The following MAF variants were observed in gnomAD, a reference collection of about 807,000 sequenced individuals.
MAF encodes the protein MAF bZIP transcription factor.
In MAF, 10 loss-of-function variants were observed where a neutral mutation model predicts 22.0. The observed-to-expected ratio is 0.45, with a 90% CI of 0.28 to 0.77. MAF has a LOEUF of 0.77. Ranked by LOEUF, MAF falls within the 30% of genes least tolerant of loss-of-function variation. The pLI is 0.12. For missense variants in MAF, 544 were observed against 548.4 expected (o/e 0.99, Z 0.08); for synonymous variants, 337 against 255.8 (o/e 1.32, Z -3.03).
chr16:79,405,556 G>A, the MAF span, among the ~76,000 whole-genome samples: 4 of 152,190 alleles, frequency 2.6e-5, no homozygotes, highest in Admixed American at 2.0e-4. Context: ...GGAAAGCATG[G>A]TTTTGACCCA....
the MAF span, among the ~76,000 whole-genome samples, chr16:79,434,623 A>C: frequency 2.6e-5 from 4 of 151,658 alleles, no homozygotes; most frequent in African/African-American, 7.3e-5. Context: ...TTAAAGCACA[A>C]TATATATTTA....
the MAF span, among the ~76,000 whole-genome samples, chr16:79,481,346 C>T: frequency 2.6e-5 from 4 of 151,800 alleles, no homozygotes; most frequent in South Asian, 8.3e-4. Context: ...AGTTGTGCGA[C>T]CATCACCCTA....
the MAF span, chr16:79,229,474 G>A: frequency 6.6e-6 from 1 of 152,080 alleles, no homozygotes; most frequent in African/African-American, 2.4e-5. Context: ...TGCACATTTC[G>A]AGGGACCGCC....
the MAF span, among the ~76,000 whole-genome samples, chr16:79,261,115 G>A: frequency 1.3e-5 from 2 of 152,162 alleles, no homozygotes; most frequent in East Asian, 3.9e-4. Context: ...AAGCTGGCAG[G>A]ATGGCCCAGA....
chr16:79,432,681 C>T, the MAF span, among the ~76,000 whole-genome samples: 1 of 152,144 alleles, frequency 6.6e-6, no homozygotes, highest in Non-Finnish European at 1.5e-5. Context: ...TGAAGTCATA[C>T]TGGAGTAGGA....
chr16:79,419,358 T>G, the MAF span, among the ~76,000 whole-genome samples: 1 of 152,150 alleles, frequency 6.6e-6, no homozygotes, highest in Admixed American at 6.5e-5. Context: ...TACGTTTGAC[T>G]CAGCACAAAT....
chr16:79,447,838 T>C, the MAF span, among the ~76,000 whole-genome samples: 1 of 130,592 alleles, frequency 7.7e-6, no homozygotes, highest in East Asian at 2.3e-4. Flanking sequence ...AGGACGTTGT[T>C]GTTAGCTGAG....
chr16:79,214,828 A>G, the MAF span, among the ~76,000 whole-genome samples: 1 of 136,970 alleles, frequency 7.3e-6, no homozygotes, highest in South Asian at 2.4e-4. Context: ...CTCCTGCCCC[A>G]TCCTTCAGAG....
At chr16:79,374,772 T>A in the MAF span, among the ~76,000 whole-genome samples, 5,048 of 152,292 alleles carry the variant, frequency 0.033, 199 homozygotes, top group East Asian at 0.19. Flanking sequence ...TTTTCTCTCT[T>A]TCTTCATCTT....
At chr16:79,575,084 A>T in the MAF span, among the ~76,000 whole-genome samples, 2 of 150,356 alleles carry the variant, frequency 1.3e-5, no homozygotes, top group African/African-American at 4.9e-5. Context: ...TTCTTGATTC[A>T]TGTGGTCTGA....
chr16:79,455,284 A>G, the MAF span, among the ~76,000 whole-genome samples: 2,159 of 152,246 alleles, frequency 0.014, 51 homozygotes, highest in African/African-American at 0.049. Context: ...TAATGGCTCA[A>G]GAGGGTTTCT....
At chr16:79,534,131 T>C in the MAF span, among the ~76,000 whole-genome samples, 1 of 152,246 alleles carries the variant, frequency 6.6e-6, no homozygotes, top group Non-Finnish European at 1.5e-5. Flanking sequence ...ACATTGGCTA[T>C]TCAGAAGTAC....
chr16:79,474,842 G>A, the MAF span, among the ~76,000 whole-genome samples: 7 of 152,150 alleles, frequency 4.6e-5, no homozygotes, highest in African/African-American at 1.4e-4. Flanking sequence ...CATGTCTAGA[G>A]CCTGTTGCCA....
chr16:79,505,406 T>C, the MAF span, among the ~76,000 whole-genome samples: 1 of 152,218 alleles, frequency 6.6e-6, no homozygotes, highest in East Asian at 1.9e-4. Flanking sequence ...TGTCCCTCAG[T>C]CACGGGACAG....
At chr16:79,240,883 T>A in the MAF span, among the ~76,000 whole-genome samples, 3 of 152,000 alleles carry the variant, frequency 2.0e-5, no homozygotes, top group Non-Finnish European at 4.4e-5. Context: ...GCAGCCTCCA[T>A]TGGTGATACC....
the MAF span, among the ~76,000 whole-genome samples, chr16:79,510,402 G>A: frequency 6.6e-6 from 1 of 152,200 alleles, no homozygotes; most frequent in African/African-American, 2.4e-5. Flanking sequence ...TCCTGGAGGT[G>A]TGGTATCTCC....
At chr16:79,211,509 A>C in the MAF span, 1 of 1,491,488 alleles carries the variant, frequency 6.7e-7, no homozygotes, top group Non-Finnish European at 9.2e-7. Flanking sequence ...AAACTGAACC[A>C]GGTGGGGGAG....
chr16:79,229,771 C>A, the MAF span, among the ~76,000 whole-genome samples: 3 of 152,036 alleles, frequency 2.0e-5, no homozygotes, highest in Non-Finnish European at 2.9e-5. Flanking sequence ...GATTCCTTCT[C>A]TTCACTTCGA....
chr16:79,508,849 C>A, the MAF span, among the ~76,000 whole-genome samples: 4 of 152,110 alleles, frequency 2.6e-5, no homozygotes, highest in Non-Finnish European at 5.9e-5. Context: ...TTAACAGTTC[C>A]CAAGGCTCGG....
Sources: gnomAD v4.1 joint callset for allele counts (sites outside exome capture counted in the v4.1 genomes callset) on GRCh38, gnomAD v4.1.1 for gene constraint, MANE v1.5 for transcripts, NCBI Gene and HGNC (gene_info 2026-07-23, HGNC 2026-07-21) for gene names.